FLRT1: variants seen among roughly 807,000 people sequenced by gnomAD.
FLRT1 encodes the protein leucine-rich repeat transmembrane protein FLRT1.
Under a neutral mutation model 30.9 loss-of-function variants are expected in FLRT1, and 14 were observed. That is an observed-to-expected ratio of 0.45 (90% CI 0.30 to 0.71). The LOEUF is 0.71. FLRT1 is among the 30% of genes least tolerant of loss of function. FLRT1 has a pLI of 0.08. For synonymous variants in FLRT1, 368 were observed against 430.4 expected (o/e 0.85, Z 1.80); for missense variants, 737 against 949.2 (o/e 0.78, Z 2.94).
At chr11:64,113,543 T>C (rs1194279053) in intron 2 of FLRT1, among the ~76,000 whole-genome samples, 1 of 148,036 alleles carries the variant, frequency 6.8e-6, no homozygotes, top group African/African-American at 2.5e-5. Context: ...GGTGGATGCA[T>C]GGATGGATGG....
rs58221880 is a variant in FLRT1 at position 64,057,754 on chromosome 11, A to C, written c.-1038+21595A>C. ...GGGGTGCCTGACATGGCCCAGGAGG[A>C]GGAAGGGGACAGCCACTTGTTGAGC... On this transcript the variant is annotated intron_variant, in intron 1 of 2. Transcript: ENST00000682287. Among the ~76,000 whole-genome samples the C allele has an allele frequency of 3.4e-3, 518 of 152,330 alleles. 2 individuals carry two copies. Among genetic ancestry groups the C allele is most frequent in the African/African-American group, 0.012 (501 of 41,572 alleles).
At chr11:64,100,182 G>A (rs989923954) in intron 1 of FLRT1, among the ~76,000 whole-genome samples, 5 of 152,208 alleles carry the variant, frequency 3.3e-5, no homozygotes, top group Non-Finnish European at 5.9e-5. Flanking sequence ...TGGCAAGGCA[G>A]AAATTACTGG....
At chr11:64,061,895 T>G (rs1283258670) in intron 1 of FLRT1, among the ~76,000 whole-genome samples, 2 of 124,190 alleles carry the variant, frequency 1.6e-5, no homozygotes, top group East Asian at 2.3e-4. Flanking sequence ...TTTTTTTTTT[T>G]GTAGAGACGG....
chr11:64,069,700 G>A (rs1036243433), intron 1 of FLRT1, among the ~76,000 whole-genome samples: 18 of 152,216 alleles, frequency 1.2e-4, no homozygotes, highest in Admixed American at 2.0e-4. Context: ...CAGAGCAGGC[G>A]GTGGTGGGGC....
chr11:64,117,239 G>C lies in FLRT1; in HGVS notation c.972G>C (p.Leu324=). 1.2e-6 allele frequency: 2 copies of C among 1,614,184 alleles called. No individual in the cohort carries two copies. The highest frequency in any genetic ancestry group is 1.7e-6 in the Non-Finnish European group (2 of 1,180,022). The change falls in exon 3 of 3, where the codon CTG becomes CTC. Residue 324 remains leucine, a synonymous_variant. Transcript: ENST00000682287. ...ACCTGGGGAACCTGGCCCAGCTGCT[G>C]CTCAGGAACAACCCTTGGTTTTGTG... The part of the protein sequence containing the change: ...FDDLGNLAQL[L]LRNNPWFCGC...
intron 1 of FLRT1, among the ~76,000 whole-genome samples, chr11:64,102,990 G>T (rs1400018672): frequency 6.6e-6 from 1 of 151,928 alleles, no homozygotes; most frequent in Non-Finnish European, 1.5e-5. Flanking sequence ...GGAATCGGTT[G>T]AACCTGGGAG....
chr11:64,041,846 G>A (rs1051670704), intron 1 of FLRT1, among the ~76,000 whole-genome samples: 2 of 152,188 alleles, frequency 1.3e-5, no homozygotes, highest in Non-Finnish European at 2.9e-5. Context: ...ATGGCAAGTC[G>A]CAGAGGGTCA....
intron 1 of FLRT1, among the ~76,000 whole-genome samples, chr11:64,041,384 A>G (rs571773709): frequency 2.6e-5 from 4 of 151,842 alleles, no homozygotes; most frequent in South Asian, 4.2e-4. Context: ...TGCTCGGGAA[A>G]ATGTCCTCAA....
chr11:64,071,359 C>G (rs1042994183), intron 1 of FLRT1, among the ~76,000 whole-genome samples: 1 of 152,186 alleles, frequency 6.6e-6, no homozygotes, highest in Non-Finnish European at 1.5e-5. Flanking sequence ...GGGCCCAGCA[C>G]AGAGCAGCTC....
rs1057069450 is a variant in FLRT1, at chr11:64,114,316, CGGAT to C, written c.-49-1895_-49-1892del. ...GATGCATGGATTGATACATGGATGA[CGGAT>C]GGATGGACGGACAGTAGATACATGA... On this transcript the variant is annotated intron_variant, in intron 2 of 2. Transcript: ENST00000682287. Among the ~76,000 whole-genome samples, 3 of 85,520 alleles carry C rather than the reference CGGAT, an allele frequency of 3.5e-5. 1 individual carries two copies. The highest frequency in any genetic ancestry group is 3.4e-4 in the East Asian group (1 of 2,972). 56.1% of individuals were successfully genotyped at this position (85,520 alleles called of 152,430 possible).
rs529203548 is a variant in FLRT1 at position 64,070,030 on chromosome 11, C to T, written c.-1037-33164C>T. Among the ~76,000 whole-genome samples the T allele has an allele frequency of 1.1e-3, 166 of 152,240 alleles. 1 individual carries two copies. Among genetic ancestry groups the T allele is most frequent in the South Asian group, 7.9e-3 (38 of 4,820 alleles). On this transcript the variant is annotated intron_variant, in intron 1 of 2. Transcript: ENST00000682287. ...ACAGGCGGGGATGGTGAGAGGTGTC[C>T]GCCAGACCAGGCTCTGTGCTAAGCA...
At chr11:64,068,788 A>C (rs1944052418) in intron 1 of FLRT1, among the ~76,000 whole-genome samples, 1 of 152,176 alleles carries the variant, frequency 6.6e-6, no homozygotes, top group Non-Finnish European at 1.5e-5. Context: ...GAGCACCCCC[A>C]TGGGCATGCT....
Position 64,049,658 on chromosome 11 carries a change from C to G in FLRT1, c.-1038+13499C>G, listed in dbSNP as rs377141322. 1.2e-3 allele frequency among the ~76,000 whole-genome samples: 188 copies of G among 152,328 alleles called. 1 individual carries two copies. Among genetic ancestry groups the G allele is most frequent in the African/African-American group, 4.1e-3 (169 of 41,574 alleles). ...GGAGGTGCCTGCTGAAGGGGGTGGACGCTGGGGGTGCAGACAGACAGCTCA... is the reference window on the plus strand; with the variant it reads ...GGAGGTGCCTGCTGAAGGGGGTGGAGGCTGGGGGTGCAGACAGACAGCTCA... On this transcript the variant is annotated intron_variant, in intron 1 of 2. Transcript: ENST00000682287.
chr11:64,091,072 G>A (rs1017444923), intron 1 of FLRT1, among the ~76,000 whole-genome samples: 3 of 148,418 alleles, frequency 2.0e-5, no homozygotes, highest in African/African-American at 7.4e-5. Context: ...AGAAGATGAG[G>A]AGGGACATGG....
At chr11:64,081,696 G>C (rs1295539113) in intron 1 of FLRT1, 1 of 152,138 alleles carries the variant, frequency 6.6e-6, no homozygotes, top group Non-Finnish European at 1.5e-5. Flanking sequence ...ATGCAGGTGA[G>C]GGCGTGTGGC....
At chr11:64,074,504 AG>A (rs1485777205) in intron 1 of FLRT1, among the ~76,000 whole-genome samples, 2 of 152,322 alleles carry the variant, frequency 1.3e-5, no homozygotes, top group Admixed American at 6.5e-5. Context: ...GAGCTCAGAG[AG>A]GTTCAGTTTC....
chr11:64,057,559 G>C (rs1590848907), intron 1 of FLRT1, among the ~76,000 whole-genome samples: 1 of 152,204 alleles, frequency 6.6e-6, no homozygotes, highest in Admixed American at 6.5e-5. Flanking sequence ...ACAGATGAGA[G>C]AGGGGCTGGC....
intron 1 of FLRT1, among the ~76,000 whole-genome samples, chr11:64,080,204 G>C (rs923867550): frequency 6.6e-6 from 1 of 152,028 alleles, no homozygotes; most frequent in African/African-American, 2.4e-5. Context: ...GTAGAGACGG[G>C]GTATCAACAT....
At chr11:64,108,119 G>C (rs1457254581) in intron 2 of FLRT1, among the ~76,000 whole-genome samples, 1 of 152,082 alleles carries the variant, frequency 6.6e-6, no homozygotes, top group Non-Finnish European at 1.5e-5. Flanking sequence ...TTAGTGACCA[G>C]CCTGACCAAC....
Sources: allele counts gnomAD v4.1 joint callset (sites outside exome capture counted in the v4.1 genomes callset), GRCh38; gene constraint gnomAD v4.1.1; transcripts MANE v1.5; gene names NCBI Gene and HGNC (gene_info 2026-07-23, HGNC 2026-07-21).